Variants in CYP3A5 observed in about 807,000 individuals in gnomAD.
CYP3A5 encodes cytochrome P450 3A5.
Under a neutral mutation model 55.9 loss-of-function variants are expected in CYP3A5, and 51 were observed. The observed-to-expected ratio is 0.91, with a 90% CI of 0.73 to 1.15. CYP3A5 has a LOEUF of 1.15. Ranked by LOEUF, CYP3A5 falls within the 50% of genes most tolerant of loss-of-function variation. CYP3A5 has a pLI of 0.00. For synonymous variants in CYP3A5, 196 were observed against 213.9 expected (o/e 0.92, Z 0.73); for missense variants, 533 against 596.6 (o/e 0.89, Z 1.11).
At chr7:99,674,474 A>T (rs1812021949) in intron 3 of CYP3A5, 59 bp downstream of exon 3, 1 of 1,369,658 alleles carries the variant, frequency 7.3e-7, no homozygotes, top group Non-Finnish European at 1.0e-6. Flanking sequence ...ACTATCCTGC[A>T]GTGGGGTAAC....
chr7:99,650,734 C>T (rs780947082), intron 11 of CYP3A5, among the ~76,000 whole-genome samples: 5 of 152,070 alleles, frequency 3.3e-5, no homozygotes, highest in African/African-American at 1.2e-4. Context: ...CCTTCCCCGT[C>T]CACCTTCTCC....
intron 2 of CYP3A5, among the ~76,000 whole-genome samples, chr7:99,675,385 C>T (rs1038942441): frequency 3.3e-5 from 5 of 152,050 alleles, no homozygotes; most frequent in Admixed American, 1.3e-4. Context: ...CTGCTTTTAT[C>T]GAGGGTAAAA....
intron 11 of CYP3A5, among the ~76,000 whole-genome samples, chr7:99,652,111 A>G (rs1809251683): frequency 6.6e-6 from 1 of 151,728 alleles, no homozygotes; most frequent in South Asian, 2.1e-4. Context: ...TAAAAAGCCT[A>G]TACACCTGAA....
chr7:99,656,731 A>G (rs947019834), intron 10 of CYP3A5, among the ~76,000 whole-genome samples: 5 of 152,174 alleles, frequency 3.3e-5, no homozygotes, highest in Non-Finnish European at 5.9e-5. Flanking sequence ...TTGGTTGGTA[A>G]GCTATTAATT....
At chr7:99,677,140 C>T in intron 1 of CYP3A5, 1 of 980,604 alleles carries the variant, frequency 1.0e-6, no homozygotes, top group Non-Finnish European at 1.2e-6. Context: ...GCAGGCCTGC[C>T]TGGAACTCAT....
At chr7:99,665,692 G>A (rs1395056877) in intron 6 of CYP3A5, among the ~76,000 whole-genome samples, 1 of 152,202 alleles carries the variant, frequency 6.6e-6, no homozygotes, top group African/African-American at 2.4e-5. Context: ...CTTCCTAGTG[G>A]ATTCAAGAAA....
At chr7:99,670,897 T>A (rs1392369700) in intron 4 of CYP3A5, 2 of 152,192 alleles carry the variant, frequency 1.3e-5, no homozygotes, top group African/African-American at 4.8e-5. Context: ...CCCACTAGTT[T>A]TATGTTGTTC....
At chr7:99,650,446 C>T (rs1433658499) in intron 11 of CYP3A5, among the ~76,000 whole-genome samples, 1 of 152,094 alleles carries the variant, frequency 6.6e-6, no homozygotes, top group Non-Finnish European at 1.5e-5. Flanking sequence ...CCTATAGGAG[C>T]GTTTCTTGAG....
rs543438710 is a variant in CYP3A5, at chr7:99,648,233, G to T, written c.*72C>A. The stretch of plus-strand genomic sequence containing the variant: ...CCCATCTTTATTTCAAGGTTTTATT[G>T]ACTAAGTTGAAATCTCTGGTGTTCT... On this transcript the variant is annotated 3_prime_UTR_variant, in exon 13 of 13. Transcript: ENST00000222982. 6.4e-7 allele frequency: 1 copy of T among 1,559,688 alleles called. No homozygotes were observed. Among genetic ancestry groups the T allele is most frequent in the African/African-American group, 1.4e-5 (1 of 72,892 alleles).
rs1451231918 is a variant in CYP3A5 at position 99,666,978 on chromosome 7, T to C, written c.406A>G (p.Thr136Ala). 16 of 1,614,080 alleles carry C rather than the reference T, an allele frequency of 9.9e-6. No homozygotes were observed. The highest frequency in any genetic ancestry group is 1.4e-5 in the Non-Finnish European group (16 of 1,179,978). Residue 136 changes from threonine (T) to alanine (A), a missense_variant, in exon 5 of 13, where the codon ACC (threonine) becomes GCC (alanine). Thr to Ala is a moderately conservative substitution (Grantham distance 58). Transcript: ENST00000222982. ...TCCTTGAGTTTTCCGCTGGTGAAGG[T>C]TGGAGACAGCAATGACCGTATTCTC... is the stretch of plus-strand genomic sequence containing the variant. Reference protein sequence around the residue: ...WKRIRSLLSPTFTSGKLKEMF... With the variant: ...WKRIRSLLSPAFTSGKLKEMF...
At chr7:99,654,779 C>T (rs1422720203) in intron 10 of CYP3A5, among the ~76,000 whole-genome samples, 1 of 152,216 alleles carries the variant, frequency 6.6e-6, no homozygotes, top group Non-Finnish European at 1.5e-5. Context: ...GCCATTCTAA[C>T]TGGCGTGAGA....
intron 10 of CYP3A5, chr7:99,659,191 C>T (rs553041547): frequency 6.6e-6 from 1 of 152,272 alleles, no homozygotes; most frequent in East Asian, 1.9e-4. Flanking sequence ...TGCTGTTTTT[C>T]CCCCATCTTT....
intron 1 of CYP3A5, chr7:99,677,204 A>T: frequency 1.0e-6 from 1 of 985,382 alleles, no homozygotes; most frequent in Non-Finnish European, 1.2e-6. Context: ...ATCCTTGCAG[A>T]CCTTCCCCCT....
chr7:99,660,422 T>C (rs1020363917), intron 10 of CYP3A5, 77 bp downstream of exon 10: 8 of 1,498,028 alleles, frequency 5.3e-6, no homozygotes, highest in Non-Finnish European at 2.7e-6. Flanking sequence ...TTATAAAAAT[T>C]CTCCTGGGGA....
At position 99,660,596 on chromosome 7, in the gene CYP3A5, G is replaced by A. The variant is rs1416538444; in HGVS notation, c.929C>T (p.Thr310Ile). The A allele has an allele frequency of 6.2e-6, 10 of 1,614,012 alleles. No individual in the cohort carries two copies. Among genetic ancestry groups the A allele is most frequent in the South Asian group, 1.1e-5 (1 of 91,064 alleles). The stretch of plus-strand genomic sequence containing the variant: ...TAAAGTGAAGGAAAGAACACTGCTG[G>A]TGGTTTCATAGCCAGCAAAAATGAA... Reference protein sequence around the residue: ...IIFIFAGYETTSSVLSFTLYE... With the variant: ...IIFIFAGYETISSVLSFTLYE... The change falls in exon 10 of 13, where the codon ACC (threonine) becomes ATC (isoleucine). Residue 310 changes from threonine (T) to isoleucine (I), a missense_variant. Transcript: ENST00000222982.
intron 3 of CYP3A5, 150 bp from the exon 4 acceptor site, chr7:99,672,829 G>A: frequency 6.8e-7 from 1 of 1,463,742 alleles, no homozygotes; most frequent in Admixed American, 2.6e-5. Context: ...AGTTCATTAG[G>A]GTGTGACACA....
chr7:99,648,515 C>T, intron 12 of CYP3A5, 115 bp from the exon 13 acceptor site: 1 of 698,440 alleles, frequency 1.4e-6, no homozygotes, highest in East Asian at 2.8e-5. Flanking sequence ...AAAAACGACT[C>T]TTAACACCAT....
At chr7:99,663,864 CTCTG>C in intron 8 of CYP3A5, 100 bp downstream of exon 8, 1 of 1,443,620 alleles carries the variant, frequency 6.9e-7, no homozygotes, top group Non-Finnish European at 9.1e-7. Flanking sequence ...AACATAAGTT[CTCTG>C]TCTTTATTTT....
chr7:99,663,779 C>T, intron 8 of CYP3A5, 189 bp downstream of exon 8: 12 of 1,258,832 alleles, frequency 9.5e-6, no homozygotes, highest in Non-Finnish European at 1.2e-5. Context: ...GTTTTAAATG[C>T]TATCTCTCTG....
Sources: gnomAD v4.1 joint callset for allele counts (sites outside exome capture counted in the v4.1 genomes callset) on GRCh38, gnomAD v4.1.1 for gene constraint, MANE v1.5 for transcripts, NCBI Gene and HGNC (gene_info 2026-07-23, HGNC 2026-07-21) for gene names.